SMO: variants seen among roughly 807,000 people sequenced by gnomAD.
SMO encodes the protein protein smoothened.
Under a neutral mutation model 81.6 loss-of-function variants are expected in SMO, and 40 were observed. That is an observed-to-expected ratio of 0.49 (90% CI 0.38 to 0.64). The LOEUF is 0.64. Ranked by LOEUF, SMO falls within the 30% of genes least tolerant of loss-of-function variation. SMO has a pLI of 0.00. For synonymous variants in SMO, 434 were observed against 432.1 expected (o/e 1.00, Z -0.05); for missense variants, 916 against 1,061.1 (o/e 0.86, Z 1.90).
At chr7:129,205,872 G>C in intron 4 of SMO, 90 bp downstream of exon 4, 1 of 1,202,866 alleles carries the variant, frequency 8.3e-7, no homozygotes, top group Non-Finnish European at 1.2e-6. Context: ...GTGTAAAACC[G>C]AGATCCAGGG....
intron 1 of SMO, among the ~76,000 whole-genome samples, chr7:129,191,652 A>G (rs1288318510): frequency 3.9e-5 from 6 of 152,186 alleles, no homozygotes; most frequent in African/African-American, 1.4e-4. Flanking sequence ...GTGATTTATC[A>G]TGTCCCGAGT....
Position 129,210,544 on chromosome 7 carries a change from T to C in SMO, c.1648T>C (p.Cys550Arg). The C allele has an allele frequency of 1.2e-6, 2 of 1,612,734 alleles. No homozygotes were observed. The highest frequency in any genetic ancestry group is 1.7e-6 in the Non-Finnish European group (2 of 1,178,884). Reference sequence around the variant, plus strand: ...GCTGCTCATCTGGAGGCGTACCTGGTGCAGGTGGGCATGGCAGCCAGCCCC... The same window carrying C: ...GCTGCTCATCTGGAGGCGTACCTGGCGCAGGTGGGCATGGCAGCCAGCCCC... ...ATLLIWRRTW[C>R]RLTGQSDDEP... The change falls in exon 9 of 12, where the codon TGC becomes CGC. Residue 550 changes from cysteine to arginine, a missense_variant. Coordinates refer to ENST00000249373, the MANE Select transcript of SMO (RefSeq NM_005631.5). This position sits in a 1 kb window ranked among gnomAD's most constrained non-coding sequence, Gnocchi z 4.7.
rs1289079045 is a variant in SMO at position 129,206,688 on chromosome 7, C to T, written c.1264+101C>T. The T allele has an allele frequency of 3.8e-6, 5 of 1,299,034 alleles. No individual in the cohort carries two copies. The highest frequency in any genetic ancestry group is 5.4e-6 in the Non-Finnish European group (5 of 933,072). 80.5% of individuals were successfully genotyped at this position (1,299,034 alleles called of 1,614,324 possible). On this transcript the variant is annotated intron_variant, in intron 6 of 11. Transcript: ENST00000249373. This position sits in a 1 kb window ranked among gnomAD's most constrained non-coding sequence, Gnocchi z 4.4. ...AGCACGGCTGCCCCCATGCTGAAAC[C>T]CCAGCTAGCTCCTATAGGGCCTTCA...
chr7:129,204,960 C>T (rs547730753), intron 2 of SMO, among the ~76,000 whole-genome samples: 6 of 149,688 alleles, frequency 4.0e-5, no homozygotes, highest in East Asian at 4.0e-4. Context: ...GCTGAGATCA[C>T]GCCACTGCAC....
rs1245903499 is a variant in SMO at position 129,210,672 on chromosome 7, T to G, written c.1652+124T>G. ...TGGTCAGTGGTTCACCGCTGCCCCC[T>G]GGTGGCACCTTCTGTCCTTGGGTGG... On this transcript the variant is annotated intron_variant, in intron 9 of 11. Coordinates refer to ENST00000249373, the MANE Select transcript of SMO (RefSeq NM_005631.5). This position sits in a 1 kb window ranked among gnomAD's most constrained non-coding sequence, Gnocchi z 4.7. 8 of 825,896 alleles carry G rather than the reference T, an allele frequency of 9.7e-6. No homozygotes were observed. The highest frequency in any genetic ancestry group is 1.5e-5 in the Non-Finnish European group (8 of 526,696). The allele number at this position is 825,896 out of a possible 1,614,324, so 51.2% of individuals were successfully genotyped here. A position where few individuals can be genotyped will look rare whatever the true frequency, so the allele number is the denominator to read the frequency against.
At position 129,212,005 on chromosome 7, in the gene SMO, T is replaced by C. The variant is rs2150656206; in HGVS notation, c.1937-19T>C. The C allele has an allele frequency of 1.3e-6, 2 of 1,565,506 alleles. No individual in the cohort carries two copies. The highest frequency in any genetic ancestry group is 1.7e-6 in the Non-Finnish European group (2 of 1,162,738). ...ACAGAGCCAGGGCCCCAGGCTCGTG[T>C]TGTCTCTCCTCCTGTCAGTGCCCCC... On this transcript the variant is annotated intron_variant, in intron 11 of 11. Coordinates refer to ENST00000249373, the MANE Select transcript of SMO (RefSeq NM_005631.5). This position sits in a 1 kb window ranked among gnomAD's most constrained non-coding sequence, Gnocchi z 5.0.
At chr7:129,196,519 G>GA (rs567432818) in intron 1 of SMO, among the ~76,000 whole-genome samples, 230 of 148,652 alleles carry the variant, frequency 1.5e-3, no homozygotes, top group Non-Finnish European at 2.0e-3. Flanking sequence ...GATTAACTTG[G>GA]AAAAAAAAAG....
chr7:129,209,376 G>A lies in SMO; in HGVS notation c.1445G>A (p.Arg482His), dbSNP rs763900781. Reference sequence around the variant, plus strand: ...TTCTTCAACCAGGCTGAGTGGGAGCGCAGCTTCCGGGACTATGTGCTGTGA... The same window carrying A: ...TTCTTCAACCAGGCTGAGTGGGAGCACAGCTTCCGGGACTATGTGCTGTGA... ...YDFFNQAEWE[R>H]SFRDYVLCQA... The change falls in exon 8 of 12, where the codon CGC (arginine) becomes CAC (histidine). Residue 482 changes from arginine (R) to histidine (H), a missense_variant. Arg to His is a conservative substitution (Grantham distance 29). Coordinates refer to ENST00000249373, the MANE Select transcript of SMO (RefSeq NM_005631.5). 8.1e-6 allele frequency: 13 copies of A among 1,610,284 alleles called. No homozygotes were observed. The highest frequency in any genetic ancestry group is 6.7e-5 in the Admixed American group (4 of 60,004).
intron 1 of SMO, among the ~76,000 whole-genome samples, chr7:129,192,220 G>A (rs1199883547): frequency 6.6e-6 from 1 of 152,196 alleles, no homozygotes; most frequent in Admixed American, 6.5e-5. Context: ...GAGAGTTGAG[G>A]TTTGAAGGGA....
Position 129,206,360 on chromosome 7 carries a change from T to C in SMO, c.1131T>C (p.Ala377=), listed in dbSNP as rs1345014171. 6.2e-7 allele frequency: 1 copy of C among 1,614,148 alleles called. No homozygotes were observed. Among genetic ancestry groups the C allele is most frequent in the Non-Finnish European group, 8.5e-7 (1 of 1,180,006 alleles). ...TTGTCCTCACTGTGGCAATCCTTGC[T>C]GTGGCGCAGGTATAGTGACTGGTAG... is the stretch of plus-strand genomic sequence containing the variant. The part of the protein sequence containing the change: ...LPFVLTVAIL[A]VAQVDGDSVS... The change falls in exon 5 of 12, where the codon GCT becomes GCC. Residue 377 remains alanine (A), a synonymous_variant. Coordinates refer to ENST00000249373, the MANE Select transcript of SMO (RefSeq NM_005631.5). This position sits in a 1 kb window ranked among gnomAD's most constrained non-coding sequence, Gnocchi z 4.4.
chr7:129,208,863 CG>C lies in SMO; in HGVS notation c.1357+17del. 6.3e-7 allele frequency: 1 copy of C among 1,597,340 alleles called. No homozygotes were observed. The highest frequency in any genetic ancestry group is 8.6e-7 in the Non-Finnish European group (1 of 1,166,066). On this transcript the variant is annotated intron_variant, in intron 7 of 11. Transcript: ENST00000249373. This position sits in a 1 kb window ranked among gnomAD's most constrained non-coding sequence, Gnocchi z 5.2. ...CATGCTGCGCCTGGGTGAGTGGCCCCGGGGGACTTCGGTCTGAGGTCCTGGC... is the reference window on the plus strand; with the variant it reads ...CATGCTGCGCCTGGGTGAGTGGCCCCGGGGACTTCGGTCTGAGGTCCTGGC...
Position 129,189,123 on chromosome 7 carries a change from G to C in SMO, c.-29G>C, listed in dbSNP as rs1793441817. The C allele has an allele frequency of 8.3e-7, 1 of 1,204,118 alleles. No homozygotes were observed. Among genetic ancestry groups the C allele is most frequent in the Non-Finnish European group, 1.0e-6 (1 of 968,188 alleles). 74.6% of individuals were successfully genotyped at this position (1,204,118 alleles called of 1,614,324 possible). On this transcript the variant is annotated 5_prime_UTR_variant, in exon 1 of 12. Coordinates refer to ENST00000249373, the MANE Select transcript of SMO (RefSeq NM_005631.5). This position sits in a 1 kb window ranked among gnomAD's most constrained non-coding sequence, Gnocchi z 4.7. Reference sequence around the variant, plus strand: ...CTCCGAGGAGCAGGCGGGGGCGCCGGGGCTTTTGCTGAGTTGGCGGGGTTG... The same window carrying C: ...CTCCGAGGAGCAGGCGGGGGCGCCGCGGCTTTTGCTGAGTTGGCGGGGTTG...
At chr7:129,193,077 C>T (rs531956795) in intron 1 of SMO, among the ~76,000 whole-genome samples, 4 of 152,286 alleles carry the variant, frequency 2.6e-5, no homozygotes, top group East Asian at 3.9e-4. Context: ...GGAAATGCCT[C>T]CTCCCGGGCA....
In SMO at chr7:129,189,050, G is replaced by T. The variant is rs1584651001; in HGVS notation, c.-102G>T. 15 of 1,088,806 alleles carry T rather than the reference G, an allele frequency of 1.4e-5. No homozygotes were observed. In the East Asian group the frequency reaches 3.1e-4, roughly 22 times the overall value. 67.4% of individuals were successfully genotyped at this position (1,088,806 alleles called of 1,614,324 possible). A position where few individuals can be genotyped will look rare whatever the true frequency, so the allele number is the denominator to read the frequency against. On this transcript the variant is annotated 5_prime_UTR_variant, in exon 1 of 12. Coordinates refer to ENST00000249373, the MANE Select transcript of SMO (RefSeq NM_005631.5). This position sits in a 1 kb window ranked among gnomAD's most constrained non-coding sequence, Gnocchi z 4.7. ...CCCGGATTCTCTGGGCGCACAGGTC[G>T]CCTGAGCCGCCTCCGCGGCCGCCGA...
rs767519085 is a variant in SMO at position 129,209,329 on chromosome 7, C to T, written c.1398C>T (p.Thr466=). 3 of 1,614,106 alleles carry T rather than the reference C, an allele frequency of 1.9e-6. No individual in the cohort carries two copies. The highest frequency in any genetic ancestry group is 2.5e-6 in the Non-Finnish European group (3 of 1,179,960). Residue 466 remains threonine (T), a synonymous_variant, in exon 8 of 12, where the codon ACC becomes ACT. Transcript: ENST00000249373. The stretch of plus-strand genomic sequence containing the variant: ...TGGCCTTTGGCTTTGTGCTCATTAC[C>T]TTCAGCTGCCACTTCTACGACTTCT... ...GFLAFGFVLI[T]FSCHFYDFFN...
chr7:129,210,959 T>G lies in SMO; in HGVS notation c.1653-6T>G. 6.2e-7 allele frequency: 1 copy of G among 1,601,852 alleles called. No individual in the cohort carries two copies. Among genetic ancestry groups the G allele is most frequent in the Non-Finnish European group, 8.5e-7 (1 of 1,173,780 alleles). On this transcript the variant is annotated splice_polypyrimidine_tract_variant and splice_region_variant and intron_variant, in intron 9 of 11. Coordinates refer to ENST00000249373, the MANE Select transcript of SMO (RefSeq NM_005631.5). This position sits in a 1 kb window ranked among gnomAD's most constrained non-coding sequence, Gnocchi z 4.7. ...CACGCTCCTTCCCTATCCCTTCTGC[T>G]CTCAGGTTGACTGGGCAGAGTGACG... is the stretch of plus-strand genomic sequence containing the variant.
rs771690738 is a variant in SMO at position 129,212,293 on chromosome 7, C to A, written c.2206C>A (p.Pro736Thr). The A allele has an allele frequency of 6.2e-7, 1 of 1,613,930 alleles. No individual in the cohort carries two copies. Among genetic ancestry groups the A allele is most frequent in the Admixed American group, 1.7e-5 (1 of 59,982 alleles). ...RQGAWTLVSN[P>T]FCPEPSPPQD... ...GGGAGCGTGGACCCTGGTCTCCAAC[C>A]CATTCTGCCCAGAGCCCAGTCCCCC... The change falls in exon 12 of 12, where the codon CCA becomes ACA. Residue 736 changes from proline to threonine, a missense_variant. Around this residue, in one of 4 missense-constraint regions of SMO, gnomAD observed 324 missense variants for 312.9 expected, o/e 1.04. Coordinates refer to ENST00000249373, the MANE Select transcript of SMO (RefSeq NM_005631.5). The surrounding 1 kb of genome is among the most constrained non-coding windows in gnomAD (Gnocchi z 5.0).
chr7:129,190,012 T>C (rs1261731180), intron 1 of SMO, among the ~76,000 whole-genome samples: 1 of 152,094 alleles, frequency 6.6e-6, no homozygotes, highest in African/African-American at 2.4e-5. Flanking sequence ...AACCAGAAAG[T>C]TCTGGAAATC....
chr7:129,199,182 C>CTTT (rs71526090), intron 1 of SMO, among the ~76,000 whole-genome samples: 1,430 of 126,570 alleles, frequency 0.011, 31 homozygotes, highest in African/African-American at 0.03. Flanking sequence ...ATTTTCTTTT[C>CTTT]TTTTTTTTTT....
Sources: allele counts gnomAD v4.1 joint callset (sites outside exome capture counted in the v4.1 genomes callset), GRCh38; gene constraint gnomAD v4.1.1; regional missense constraint gnomAD v4.1.1; non-coding constraint Gnocchi (gnomAD v3.1); transcripts MANE v1.5; gene names NCBI Gene and HGNC (gene_info 2026-07-23, HGNC 2026-07-21).